KANK4: variants seen among roughly 807,000 people sequenced by gnomAD.
The protein encoded by KANK4 is KN motif and ankyrin repeat domains 4.
Under a neutral mutation model 80.8 loss-of-function variants are expected in KANK4, and 50 were observed. That is an observed-to-expected ratio of 0.62 (90% CI 0.49 to 0.78). KANK4 has a LOEUF of 0.78. KANK4 is among the 30% of genes least tolerant of loss of function. The pLI is 0.00. For synonymous variants in KANK4, 465 were observed against 506.9 expected, an observed-to-expected ratio of 0.92 and a Z score of 1.11; for missense variants, 1,196 against 1,240.1, an observed-to-expected ratio of 0.96 and a Z score of 0.53.
At chr1:62,305,156 C>G (rs1644440794) in intron 1 of KANK4, among the ~76,000 whole-genome samples, 3 of 152,188 alleles carry the variant, frequency 2.0e-5, no homozygotes, top group Admixed American at 2.0e-4. Context: ...CCTCCATCTC[C>G]CCAAGAGCCA....
rs150467868 is a variant in KANK4, at chr1:62,274,269, G to A, written c.835C>T (p.Pro279Ser). ...GGCGGGCTTGGCGTAGGGGAGCCAG[G>A]GGTGAACAACACCTCTGCTTCTCTG... ...NAREAEVLFT[P>S]GSPTPSPPPL... The change falls in exon 3 of 10, where the codon CCT becomes TCT. Residue 279 changes from proline to serine, a missense_variant. Pro to Ser is a moderately conservative substitution (Grantham distance 74). Coordinates refer to ENST00000371153, the MANE Select transcript of KANK4 (RefSeq NM_181712.5). The A allele has an allele frequency of 3.7e-6, 6 of 1,614,010 alleles. No homozygotes were observed. The highest frequency in any genetic ancestry group is 3.3e-5 in the Admixed American group (2 of 59,998).
At chr1:62,238,632 C>T (rs1570949815) in intron 9 of KANK4, among the ~76,000 whole-genome samples, 2 of 142,232 alleles carry the variant, frequency 1.4e-5, no homozygotes, top group Admixed American at 1.4e-4. Context: ...TTTTAATGCT[C>T]TTTTTTTTTT....
At chr1:62,272,249 C>T (rs1417605935) in intron 3 of KANK4, 1 of 152,624 alleles carries the variant, frequency 6.6e-6, no homozygotes, top group Non-Finnish European at 1.5e-5. Context: ...TCTGTTACAA[C>T]AGGAAGTGCT....
chr1:62,286,759 C>A (rs944920025), intron 1 of KANK4, among the ~76,000 whole-genome samples: 1 of 152,130 alleles, frequency 6.6e-6, no homozygotes, highest in Non-Finnish European at 1.5e-5. Flanking sequence ...TTCCCTACCC[C>A]CTCCTGGGGC....
chr1:62,300,246 G>A (rs1239524737), intron 1 of KANK4, among the ~76,000 whole-genome samples: 1 of 152,124 alleles, frequency 6.6e-6, no homozygotes, highest in East Asian at 1.9e-4. Flanking sequence ...CCAGTAACTT[G>A]AGGAAAGAAG....
At chr1:62,255,246 T>G (rs1195086692) in intron 7 of KANK4, among the ~76,000 whole-genome samples, 1 of 152,134 alleles carries the variant, frequency 6.6e-6, no homozygotes, top group Non-Finnish European at 1.5e-5. Flanking sequence ...TTCTGCTTTG[T>G]AGCCCTGGGG....
chr1:62,251,916 C>T (rs1195182024), intron 8 of KANK4, among the ~76,000 whole-genome samples: 2 of 147,822 alleles, frequency 1.4e-5, no homozygotes, highest in South Asian at 2.1e-4. Context: ...CGCTTGAACC[C>T]AGGAGGTGGA....
intron 1 of KANK4, among the ~76,000 whole-genome samples, chr1:62,306,452 T>C (rs1644451677): frequency 6.6e-6 from 1 of 152,228 alleles, no homozygotes. Context: ...TATATAAGAA[T>C]ATGTAGTTAC....
At position 62,236,703 on chromosome 1, in the gene KANK4, T is replaced by A. The variant is rs1051785806; in HGVS notation, c.*1574A>T. 2.6e-5 allele frequency among the ~76,000 whole-genome samples: 4 copies of A among 151,010 alleles called. No individual in the cohort carries two copies. Among genetic ancestry groups the A allele is most frequent in the African/African-American group, 9.8e-5 (4 of 40,946 alleles). On this transcript the variant is annotated 3_prime_UTR_variant, in exon 10 of 10. Coordinates refer to ENST00000371153, the MANE Select transcript of KANK4 (RefSeq NM_181712.5). Reference sequence around the variant, plus strand: ...TCCGCCTCCCGGGTTCAAGTGAGTCTCCTGCCTCAGCCTCCCAAGTAGCTG... The same window carrying A: ...TCCGCCTCCCGGGTTCAAGTGAGTCACCTGCCTCAGCCTCCCAAGTAGCTG...
intron 7 of KANK4, among the ~76,000 whole-genome samples, chr1:62,260,980 T>C (rs112500669): frequency 6.6e-5 from 10 of 152,124 alleles, no homozygotes; most frequent in African/African-American, 2.4e-4. Flanking sequence ...CCTTTGCACA[T>C]TTCCGCAGAG....
At chr1:62,301,434 C>T (rs536389646) in intron 1 of KANK4, among the ~76,000 whole-genome samples, 1 of 152,202 alleles carries the variant, frequency 6.6e-6, no homozygotes, top group Admixed American at 6.5e-5. Flanking sequence ...AGAACACCGA[C>T]ACACAAACAA....
rs369196628 is a variant in KANK4, at chr1:62,268,377, C to T, written c.2141G>A (p.Cys714Tyr). The T allele has an allele frequency of 2.9e-5, 47 of 1,614,100 alleles. No homozygotes were observed. Among genetic ancestry groups the T allele is most frequent in the Non-Finnish European group, 3.6e-5 (42 of 1,180,012 alleles). The change falls in exon 5 of 10, where the codon TGC becomes TAC. Residue 714 changes from cysteine (C) to tyrosine (Y), a missense_variant. By Grantham distance (194) the Cys-to-Tyr change is radical. Coordinates refer to ENST00000371153, the MANE Select transcript of KANK4 (RefSeq NM_181712.5). ...CTCAGGGATGCCCTGCCCAGCCTCG[C>T]AGGTGAGATGGGCATCTTTGACATG... ...HKHVKDAHLT[C>Y]EAGQGIPEGT...
At chr1:62,297,716 G>C (rs560316053) in intron 1 of KANK4, among the ~76,000 whole-genome samples, 1 of 152,136 alleles carries the variant, frequency 6.6e-6, no homozygotes, top group Non-Finnish European at 1.5e-5. Context: ...ACTTGTGAAG[G>C]AATAGCTAAA....
chr1:62,279,536 G>T (rs1390388687), intron 2 of KANK4, among the ~76,000 whole-genome samples: 2 of 152,186 alleles, frequency 1.3e-5, no homozygotes, highest in African/African-American at 4.8e-5. Flanking sequence ...TTTGAATCAT[G>T]GCTGTCATCT....
rs1672270205 is a variant in KANK4 at position 62,274,810 on chromosome 1, C to T, written c.294G>A (p.Glu98=). 3 of 1,613,992 alleles carry T rather than the reference C, an allele frequency of 1.9e-6. No individual in the cohort carries two copies. The highest frequency in any genetic ancestry group is 1.7e-6 in the Non-Finnish European group (2 of 1,180,008). Residue 98 remains glutamate, a synonymous_variant, in exon 3 of 10, where the codon GAG becomes GAA. Transcript: ENST00000371153. ...TTTGCTCCTGTGTCCCAAGTGATGC[C>T]TCCCTTGGCACCACGGGAGACCAGT... ...LQNWSPVVPR[E]ASLGTQEQNQ... is the part of the protein sequence containing the mutation.
At chr1:62,265,126 C>T (rs1428307540) in intron 6 of KANK4, among the ~76,000 whole-genome samples, 1 of 150,916 alleles carries the variant, frequency 6.6e-6, no homozygotes, top group South Asian at 2.1e-4. Context: ...CCACTGCGAC[C>T]GGTCGAGTGG....
intron 9 of KANK4, among the ~76,000 whole-genome samples, chr1:62,240,040 T>C (rs922619954): frequency 6.6e-6 from 1 of 152,192 alleles, no homozygotes; most frequent in Non-Finnish European, 1.5e-5. Flanking sequence ...AGTAATGGGA[T>C]GGGTGGGTCA....
chr1:62,299,047 T>C (rs1644390494), intron 1 of KANK4, among the ~76,000 whole-genome samples: 1 of 151,620 alleles, frequency 6.6e-6, no homozygotes, highest in Admixed American at 6.6e-5. Context: ...TAGGTGTTCC[T>C]GCCCAAGATT....
At chr1:62,250,605 G>A (rs6656988) in intron 8 of KANK4, among the ~76,000 whole-genome samples, 3,154 of 152,186 alleles carry the variant, frequency 0.021, 95 homozygotes, top group African/African-American at 0.072. Context: ...TTGGTGACCC[G>A]GAATGAGTCC....
Sources: allele counts gnomAD v4.1 joint callset (sites outside exome capture counted in the v4.1 genomes callset), GRCh38; gene constraint gnomAD v4.1.1; transcripts MANE v1.5; gene names NCBI Gene and HGNC (gene_info 2026-07-23, HGNC 2026-07-21).